The following VPS39 variants were observed in gnomAD, a reference collection of about 807,000 sequenced individuals.
The protein encoded by VPS39 is VPS39 subunit of HOPS complex.
VPS39 carries 70 observed loss-of-function variants against 121.0 expected under a neutral mutation model. That is an observed-to-expected ratio of 0.58 (90% confidence interval 0.48 to 0.71). The LOEUF is 0.71. Among genes scored for constraint, VPS39 ranks in the 30% least tolerant of loss-of-function variants. VPS39 has a pLI of 0.00. For synonymous variants in VPS39, 378 were observed against 398.1 expected (o/e 0.95, Z 0.60); for missense variants, 818 against 1,051.5 (o/e 0.78, Z 3.07).
chr15:42,172,689 C>T (rs983637081), intron 11 of VPS39, among the ~76,000 whole-genome samples: 1 of 152,188 alleles, frequency 6.6e-6, no homozygotes, highest in Non-Finnish European at 1.5e-5. Flanking sequence ...ACAAACTGAT[C>T]ATTGTCTGGC....
intron 5 of VPS39, 102 bp from the exon 6 acceptor site, chr15:42,187,958 A>G (rs1268899568): frequency 9.1e-7 from 1 of 1,101,388 alleles, no homozygotes; most frequent in African/African-American, 1.5e-5. Context: ...ACTACTCTGA[A>G]AATTCCCTGT....
chr15:42,207,920 G>A (rs1452984407), intron 1 of VPS39, among the ~76,000 whole-genome samples, 161 bp downstream of exon 1: 2 of 152,226 alleles, frequency 1.3e-5, no homozygotes, highest in Non-Finnish European at 2.9e-5. Context: ...GATGTCTATA[G>A]CCGGTGGTCA....
intron 5 of VPS39, among the ~76,000 whole-genome samples, chr15:42,188,610 A>G (rs1037170909): frequency 6.6e-6 from 1 of 152,202 alleles, no homozygotes; most frequent in Admixed American, 6.5e-5. Context: ...TAACCCACGC[A>G]CAGGGAATGC....
intron 2 of VPS39, among the ~76,000 whole-genome samples, chr15:42,194,570 A>C (rs965871097): frequency 2.0e-5 from 3 of 152,152 alleles, no homozygotes; most frequent in Admixed American, 1.3e-4. Flanking sequence ...TCATCTTTAC[A>C]AGAAGTGAAA....
At chr15:42,192,548 G>C (rs759108057) in intron 2 of VPS39, among the ~76,000 whole-genome samples, 3 of 152,086 alleles carry the variant, frequency 2.0e-5, no homozygotes, top group Non-Finnish European at 4.4e-5. Context: ...TGGAAATCAG[G>C]GAGACTCTTT....
At chr15:42,185,951 GCAGT>G (rs1018678957) in intron 7 of VPS39, among the ~76,000 whole-genome samples, 23 of 152,312 alleles carry the variant, frequency 1.5e-4, no homozygotes, top group African/African-American at 5.5e-4. Flanking sequence ...AGCATCCAAG[GCAGT>G]CAGAGAACTG....
rs1238192915 is a variant in VPS39 at position 42,208,162 on chromosome 15, G to A, written c.-9C>T. On this transcript the variant is annotated 5_prime_UTR_variant, in exon 1 of 25. Transcript: ENST00000318006. ...TCGAAAGCGTCGTGCATGGCGGCAA[G>A]GGGAGAGTTGCCACCGCCGTCTCGC... The A allele has an allele frequency of 2.6e-6, 4 of 1,565,846 alleles. No homozygotes were observed. The highest frequency in any genetic ancestry group is 3.5e-6 in the Non-Finnish European group (4 of 1,155,318).
chr15:42,160,835 G>A lies in VPS39; in HGVS notation c.2553-6C>T, dbSNP rs2049113573. 1 of 1,614,028 alleles carries A rather than the reference G, an allele frequency of 6.2e-7. No individual in the cohort carries two copies. The highest frequency in any genetic ancestry group is 8.5e-7 in the Non-Finnish European group (1 of 1,179,900). ...TGGGGTATCTTGCAAATGCACTGCAGGGAAGAAAATGGCTTGGGAGTGAGG... is the reference window on the plus strand; with the variant it reads ...TGGGGTATCTTGCAAATGCACTGCAAGGAAGAAAATGGCTTGGGAGTGAGG... On this transcript the variant is annotated splice_polypyrimidine_tract_variant and splice_region_variant and intron_variant, in intron 24 of 24. Transcript: ENST00000318006.
At chr15:42,183,093 T>C (rs1306546889) in intron 8 of VPS39, among the ~76,000 whole-genome samples, 1 of 151,132 alleles carries the variant, frequency 6.6e-6, no homozygotes, top group Non-Finnish European at 1.5e-5. Flanking sequence ...CCCTAGAACA[T>C]GATGTGTTTT....
chr15:42,161,257 AG>A, intron 24 of VPS39: 1 of 310,766 alleles, frequency 3.2e-6, no homozygotes, highest in South Asian at 3.7e-5. Context: ...TTTGAAGAAA[AG>A]GGGACTAACT....
intron 11 of VPS39, among the ~76,000 whole-genome samples, chr15:42,171,442 AACTGAGGAT>A (rs1243178785): frequency 4.6e-5 from 7 of 152,174 alleles, no homozygotes; most frequent in Non-Finnish European, 1.0e-4. Context: ...GCTCTGTGGG[AACTGAGGAT>A]ACTACAGGGC....
At chr15:42,172,476 C>T (rs1444352201) in intron 11 of VPS39, among the ~76,000 whole-genome samples, 1 of 152,224 alleles carries the variant, frequency 6.6e-6, no homozygotes, top group Non-Finnish European at 1.5e-5. Context: ...TCCCAAACTC[C>T]GGACCAACAA....
rs201792858 is a variant in VPS39 at position 42,163,336 on chromosome 15, G to C, written c.2175+14C>G. ...GTATGCACACGTGCTCCCTGGGTCA[G>C]GGTCACTACTCACATCTTTGTTGCC... On this transcript the variant is annotated intron_variant, in intron 21 of 24. Transcript: ENST00000318006. 7.5e-4 allele frequency: 1,216 copies of C among 1,614,072 alleles called. No individual in the cohort carries two copies. Among genetic ancestry groups the C allele is most frequent in the Non-Finnish European group, 9.7e-4 (1,142 of 1,180,024 alleles).
chr15:42,181,493 C>T (rs1196783011), intron 8 of VPS39, among the ~76,000 whole-genome samples: 3 of 151,996 alleles, frequency 2.0e-5, no homozygotes, highest in African/African-American at 7.3e-5. Flanking sequence ...TGTTAACATA[C>T]GTAATACCAC....
intron 2 of VPS39, among the ~76,000 whole-genome samples, chr15:42,199,249 T>G (rs1386984642): frequency 3.3e-5 from 5 of 152,160 alleles, no homozygotes; most frequent in African/African-American, 1.2e-4. Context: ...AAAACACTCT[T>G]TAACAGAATA....
intron 20 of VPS39, 84 bp from the exon 21 acceptor site, chr15:42,163,479 G>A: frequency 1.3e-6 from 2 of 1,590,276 alleles, no homozygotes; most frequent in Non-Finnish European, 1.7e-6. Context: ...TGCTCGAGCA[G>A]CCTAACCACA....
chr15:42,166,466 G>A (rs953846527), intron 15 of VPS39, 97 bp downstream of exon 15: 7 of 1,367,214 alleles, frequency 5.1e-6, no homozygotes, highest in African/African-American at 4.3e-5. Flanking sequence ...ACACGAGCAC[G>A]GGAGGGAGGG....
intron 1 of VPS39, among the ~76,000 whole-genome samples, chr15:42,203,039 C>T (rs532276808): frequency 6.6e-6 from 1 of 151,570 alleles, no homozygotes; most frequent in South Asian, 2.1e-4. Flanking sequence ...TGAACCCAAA[C>T]TAAGACATGA....
intron 7 of VPS39, among the ~76,000 whole-genome samples, chr15:42,186,275 AC>A (rs1414264847): frequency 1.6e-5 from 2 of 128,280 alleles, no homozygotes; most frequent in African/African-American, 3.9e-5. Flanking sequence ...CTACAAAAAT[AC>A]AAAAAAAAAA....
Sources: allele counts gnomAD v4.1 joint callset (sites outside exome capture counted in the v4.1 genomes callset), GRCh38; gene constraint gnomAD v4.1.1; transcripts MANE v1.5; gene names NCBI Gene and HGNC (gene_info 2026-07-23, HGNC 2026-07-21).